Variants in RBFOX1 observed in about 807,000 individuals in gnomAD.
RBFOX1 encodes RNA binding protein fox-1 homolog 1.
RBFOX1 carries 8 observed loss-of-function variants against 57.7 expected under a neutral mutation model. The observed-to-expected ratio is 0.14, with a 90% CI of 0.08 to 0.25. The LOEUF (loss-of-function observed/expected upper bound fraction) is 0.25. Among genes scored for constraint, RBFOX1 ranks in the 10% least tolerant of loss-of-function variants. The pLI is 1.00. For missense variants in RBFOX1, 611 were observed against 548.5 expected (o/e 1.11, Z -1.14); for synonymous variants, 326 against 222.4 (o/e 1.47, Z -4.15).
chr16:6,490,287 C>T (rs189432216), intron 2 of RBFOX1, among the ~76,000 whole-genome samples: 8 of 152,100 alleles, frequency 5.3e-5, no homozygotes, highest in Non-Finnish European at 1.0e-4. Context: ...AAATACATAC[C>T]AGAATATCCA....
chr16:6,226,898 C>G (rs1333247096), intron 1 of RBFOX1, among the ~76,000 whole-genome samples: 1 of 148,778 alleles, frequency 6.7e-6, no homozygotes, highest in Non-Finnish European at 1.5e-5. Context: ...TGCCTGAGCT[C>G]AGGAGTTTGA....
At chr16:5,337,039 A>G (rs565091321) in intron 1 of RBFOX1, among the ~76,000 whole-genome samples, 3 of 152,140 alleles carry the variant, frequency 2.0e-5, no homozygotes, top group African/African-American at 7.2e-5. Context: ...TGGCAGCTGC[A>G]CTCTTGGTAT....
At chr16:6,929,529 C>T (rs968369592) in intron 3 of RBFOX1, among the ~76,000 whole-genome samples, 1 of 152,024 alleles carries the variant, frequency 6.6e-6, no homozygotes, top group African/African-American at 2.4e-5. Context: ...TTTCAGAAGG[C>T]TTAAAAATCC....
chr16:5,483,959 C>T (rs2069637488), intron 2 of RBFOX1, among the ~76,000 whole-genome samples: 2 of 151,998 alleles, frequency 1.3e-5, no homozygotes, highest in Admixed American at 1.3e-4. Context: ...TTGCTTGAGC[C>T]CAGGAGTTTC....
rs574512593 is a variant in RBFOX1, at chr16:6,882,517, T to C, written c.-15-169540T>C. Among the ~76,000 whole-genome samples, 10 of 152,072 alleles carry C rather than the reference T, an allele frequency of 6.6e-5. No individual in the cohort carries two copies. The East Asian group carries it at 1.9e-3, about 29-fold the overall frequency. On this transcript the variant is annotated intron_variant, in intron 3 of 15. Coordinates refer to ENST00000550418, the MANE Select transcript of RBFOX1 (RefSeq NM_018723.4). ...GGTGAGGCAGGAGAATCACCTGAACTTAGGAGGCAGGGAGGTTGCAGTGAG... is the reference window on the plus strand; with the variant it reads ...GGTGAGGCAGGAGAATCACCTGAACCTAGGAGGCAGGGAGGTTGCAGTGAG...
At chr16:5,985,259 TG>T (rs1244750801) in intron 4 of RBFOX1, among the ~76,000 whole-genome samples, 5 of 151,764 alleles carry the variant, frequency 3.3e-5, no homozygotes, top group Non-Finnish European at 7.4e-5. Context: ...CCCAAAGTGG[TG>T]GGATTACAGG....
intron 4 of RBFOX1, among the ~76,000 whole-genome samples, chr16:7,425,924 G>C (rs2098606271): frequency 6.6e-6 from 1 of 152,138 alleles, no homozygotes; most frequent in Non-Finnish European, 1.5e-5. Flanking sequence ...CCTCCTCCCA[G>C]ATTCTCCTCA....
intron 14 of RBFOX1, among the ~76,000 whole-genome samples, chr16:7,683,957 C>T (rs745376076): frequency 6.6e-6 from 1 of 151,994 alleles, no homozygotes. Context: ...CACTTTGTTA[C>T]GTTGTTCTTT....
At chr16:7,562,158 G>A (rs976142923) in intron 5 of RBFOX1, among the ~76,000 whole-genome samples, 1 of 152,170 alleles carries the variant, frequency 6.6e-6, no homozygotes, top group Non-Finnish European at 1.5e-5. Context: ...ACAATCTTGG[G>A]AGTATTTGAC....
chr16:7,189,036 T>C (rs1250301214), intron 4 of RBFOX1, among the ~76,000 whole-genome samples: 2 of 151,890 alleles, frequency 1.3e-5, no homozygotes, highest in African/African-American at 4.8e-5. Context: ...CATTTGGAGG[T>C]GATACGGAGT....
intron 3 of RBFOX1, among the ~76,000 whole-genome samples, chr16:6,829,013 C>G (rs2092469485): frequency 6.6e-6 from 1 of 152,220 alleles, no homozygotes; most frequent in East Asian, 1.9e-4. Flanking sequence ...TTGCCTGACT[C>G]ATCCTTGAAT....
At chr16:5,727,664 C>T (rs9932502) in intron 3 of RBFOX1, among the ~76,000 whole-genome samples, 17,730 of 152,068 alleles carry the variant, frequency 0.12, 3,406 homozygotes, top group African/African-American at 0.4. Context: ...GACCACAGTT[C>T]TACTCTGTTT....
At chr16:5,997,817 T>C (rs1030320023) in intron 4 of RBFOX1, among the ~76,000 whole-genome samples, 3 of 152,200 alleles carry the variant, frequency 2.0e-5, no homozygotes, top group South Asian at 2.1e-4. Flanking sequence ...TTGGTTCTCA[T>C]GTAGTTTAAT....
chr16:5,628,993 G>A (rs1297869692), intron 3 of RBFOX1, among the ~76,000 whole-genome samples: 8 of 152,154 alleles, frequency 5.3e-5, no homozygotes, highest in African/African-American at 1.9e-4. Flanking sequence ...CTGTGAGTGC[G>A]ATTAAATGTC....
intron 11 of RBFOX1, among the ~76,000 whole-genome samples, chr16:7,650,343 T>G (rs982711537): frequency 1.3e-5 from 2 of 149,638 alleles, no homozygotes; most frequent in African/African-American, 4.9e-5. Flanking sequence ...CAAGGGTACC[T>G]AGCCTTCCAG....
intron 1 of RBFOX1, among the ~76,000 whole-genome samples, chr16:6,099,253 A>G (rs2096278286): frequency 6.6e-6 from 1 of 152,344 alleles, no homozygotes; most frequent in African/African-American, 2.4e-5. Context: ...GAGTTGAGCC[A>G]TAAACATTGG....
chr16:6,290,965 TG>T (rs1177984767), intron 1 of RBFOX1, among the ~76,000 whole-genome samples: 15 of 152,222 alleles, frequency 9.9e-5, no homozygotes, highest in Non-Finnish European at 1.5e-4. Flanking sequence ...GGCTGCTGGT[TG>T]CCTATTTTTG....
intron 1 of RBFOX1, among the ~76,000 whole-genome samples, chr16:6,077,418 A>G (rs148110542): frequency 1.4e-4 from 22 of 152,320 alleles, no homozygotes; most frequent in Non-Finnish European, 2.6e-4. Flanking sequence ...ATTATTTTTC[A>G]AATTAGAGAA....
chr16:5,676,539 G>T (rs1316179003), intron 3 of RBFOX1, among the ~76,000 whole-genome samples: 1 of 152,182 alleles, frequency 6.6e-6, no homozygotes, highest in Non-Finnish European at 1.5e-5. Flanking sequence ...GAGTTGTTGT[G>T]AGGATTGAAT....
Sources: allele counts gnomAD v4.1 joint callset (sites outside exome capture counted in the v4.1 genomes callset), GRCh38; gene constraint gnomAD v4.1.1; transcripts MANE v1.5; gene names NCBI Gene and HGNC (gene_info 2026-07-23, HGNC 2026-07-21).